GPHN: variants seen among roughly 807,000 people sequenced by gnomAD.
GPHN encodes gephyrin.
Under a neutral mutation model 95.5 loss-of-function variants are expected in GPHN, and 17 were observed. That is an observed-to-expected ratio of 0.18 (90% confidence interval 0.12 to 0.27). GPHN has a LOEUF of 0.27. Ranked by LOEUF, GPHN falls within the 10% of genes least tolerant of loss-of-function variation. The probability of loss-of-function intolerance (pLI) is 1.00; values close to 1 mark genes in which losing one functional copy is unlikely to be tolerated. For missense variants in GPHN, 660 were observed against 978.1 expected, an observed-to-expected ratio of 0.67 and a Z score of 4.34; for synonymous variants, 320 against 322.5, an observed-to-expected ratio of 0.99 and a Z score of 0.08.
At chr14:66,647,316 T>C (rs1595390557) in intron 1 of GPHN, among the ~76,000 whole-genome samples, 1 of 150,910 alleles carries the variant, frequency 6.6e-6, no homozygotes, top group Non-Finnish European at 1.5e-5. Flanking sequence ...AGATAAAATT[T>C]AAAATCCTTT....
At chr14:66,704,853 CAA>C (rs1274261823) in intron 2 of GPHN, among the ~76,000 whole-genome samples, 1 of 151,804 alleles carries the variant, frequency 6.6e-6, no homozygotes, top group Non-Finnish European at 1.5e-5. Flanking sequence ...AAAACCCCTC[CAA>C]AAAAATCAGT....
the GPHN span, among the ~76,000 whole-genome samples, chr14:67,228,114 G>C: frequency 6.6e-6 from 1 of 150,786 alleles, no homozygotes; most frequent in Non-Finnish European, 1.5e-5. Flanking sequence ...GGGTTGCAGT[G>C]AGCCGAGATT....
the GPHN span, among the ~76,000 whole-genome samples, chr14:67,443,853 A>G: frequency 3.3e-5 from 5 of 152,214 alleles, no homozygotes; most frequent in African/African-American, 1.2e-4. Flanking sequence ...GGAAACAGGT[A>G]CAGAGAAATG....
the GPHN span, among the ~76,000 whole-genome samples, chr14:67,246,244 C>T: frequency 6.6e-6 from 1 of 151,660 alleles, no homozygotes. Context: ...CAGGTTCAAG[C>T]AATCCTCCCA....
At chr14:67,422,026 G>T in the GPHN span, among the ~76,000 whole-genome samples, 1 of 152,086 alleles carries the variant, frequency 6.6e-6, no homozygotes, top group South Asian at 2.1e-4. Flanking sequence ...CCCTCTAGCT[G>T]GGGAGAGATT....
chr14:67,563,538 A>G, the GPHN span, among the ~76,000 whole-genome samples: 1 of 151,674 alleles, frequency 6.6e-6, no homozygotes, highest in Non-Finnish European at 1.5e-5. Flanking sequence ...GGTTCAATCA[A>G]TTCTCCCGCC....
At chr14:67,329,997 T>G in the GPHN span, among the ~76,000 whole-genome samples, 22 of 151,250 alleles carry the variant, frequency 1.5e-4, no homozygotes, top group Non-Finnish European at 2.1e-4. Context: ...GGTATTGGCA[T>G]AAAGATGTGA....
chr14:66,708,214 C>CA (rs148207182), intron 2 of GPHN, among the ~76,000 whole-genome samples: 11,672 of 146,932 alleles, frequency 0.079, 1,087 homozygotes, highest in African/African-American at 0.22. Context: ...CTAAAAACTT[C>CA]AAAAAAAAAA....
intron 9 of GPHN, among the ~76,000 whole-genome samples, chr14:66,976,186 G>T (rs2070208538): frequency 6.6e-6 from 1 of 152,152 alleles, no homozygotes; most frequent in Non-Finnish European, 1.5e-5. Context: ...TTTAGGTAAA[G>T]CTTGTCTCTG....
rs755014883 is a variant in GPHN at position 67,181,532 on chromosome 14, G to T, written c.*595G>T. ...TAGCCTCACGGCACAGTACTCTTGG[G>T]CAGTAACTGGACACCTTTTATTTGA... is the stretch of plus-strand genomic sequence containing the variant. On this transcript the variant is annotated 3_prime_UTR_variant, in exon 23 of 23. Transcript: ENST00000478722. The T allele has an allele frequency of 4.0e-6, 2 of 500,342 alleles. No individual in the cohort carries two copies. The highest frequency in any genetic ancestry group is 3.2e-5 in the South Asian group (2 of 62,242). 31.0% of individuals were successfully genotyped at this position (500,342 alleles called of 1,614,324 possible).
At chr14:67,186,630 G>A (rs2083370263), downstream of GPHN, among the ~76,000 whole-genome samples, 1 of 152,144 alleles carries the variant, frequency 6.6e-6, no homozygotes, top group Admixed American at 6.5e-5. Context: ...CTGATTCTGA[G>A]AATGTCAAAA....
chr14:67,478,104 C>T, the GPHN span, among the ~76,000 whole-genome samples: 153 of 152,376 alleles, frequency 1.0e-3, 1 homozygote, highest in African/African-American at 3.6e-3. Flanking sequence ...TCTACTATTA[C>T]AGCTCACATG....
chr14:66,873,600 A>G (rs1373809024), intron 4 of GPHN, among the ~76,000 whole-genome samples: 1 of 152,062 alleles, frequency 6.6e-6, no homozygotes, highest in Non-Finnish European at 1.5e-5. Context: ...ACCATTACTG[A>G]CGCTTGAGTG....
intron 18 of GPHN, among the ~76,000 whole-genome samples, chr14:67,148,841 C>T (rs990858406): frequency 6.6e-6 from 1 of 151,382 alleles, no homozygotes; most frequent in Non-Finnish European, 1.5e-5. Flanking sequence ...GCTGGGATTA[C>T]AGGCGTGAGC....
At chr14:67,344,560 T>C in the GPHN span, among the ~76,000 whole-genome samples, 1 of 152,136 alleles carries the variant, frequency 6.6e-6, no homozygotes, top group Non-Finnish European at 1.5e-5. Flanking sequence ...AAATCTAGTA[T>C]CAACTTGCTA....
At chr14:67,439,790 T>A in the GPHN span, among the ~76,000 whole-genome samples, 1 of 152,102 alleles carries the variant, frequency 6.6e-6, no homozygotes, top group Non-Finnish European at 1.5e-5. Flanking sequence ...TTCTTTATGC[T>A]TTTAGTGTTA....
chr14:67,165,279 T>C, intron 20 of GPHN, 53 bp downstream of exon 20: 1 of 1,268,748 alleles, frequency 7.9e-7, no homozygotes, highest in Non-Finnish European at 1.2e-6. Flanking sequence ...AGCCAAAATT[T>C]TTTGGACTTC....
chr14:67,339,139 G>C, the GPHN span, among the ~76,000 whole-genome samples: 1 of 151,756 alleles, frequency 6.6e-6, no homozygotes, highest in African/African-American at 2.4e-5. Flanking sequence ...GGGAATACAG[G>C]CGCATGCTGC....
intron 11 of GPHN, among the ~76,000 whole-genome samples, chr14:67,085,911 C>A (rs2076866513): frequency 6.6e-6 from 1 of 152,212 alleles, no homozygotes; most frequent in Non-Finnish European, 1.5e-5. Context: ...TACTTTCTAT[C>A]TCTGTGATTT....
Sources: allele counts gnomAD v4.1 joint callset (sites outside exome capture counted in the v4.1 genomes callset), GRCh38; gene constraint gnomAD v4.1.1; transcripts MANE v1.5; gene names NCBI Gene and HGNC (gene_info 2026-07-23, HGNC 2026-07-21).